Variants in PXDNL observed in about 807,000 individuals in gnomAD.
The protein encoded by PXDNL is peroxidasin like.
Under a neutral mutation model 150.8 loss-of-function variants are expected in PXDNL, and 145 were observed. The observed-to-expected ratio is 0.96, with a 90% CI of 0.84 to 1.10. PXDNL has a LOEUF of 1.10. Among genes scored for constraint, PXDNL ranks in the 50% least tolerant of loss-of-function variants. The pLI is 0.00. For missense variants in PXDNL, 2,087 were observed against 1,873.9 expected (o/e 1.11, Z -2.10); for synonymous variants, 757 against 725.7 (o/e 1.04, Z -0.69).
intron 2 of PXDNL, 124 bp from the exon 3 acceptor site, chr8:51,592,822 A>T: frequency 3.5e-6 from 2 of 576,472 alleles, no homozygotes; most frequent in South Asian, 7.6e-5. Context: ...GGTTCACTAA[A>T]TTTGGAAATT....
intron 1 of PXDNL, among the ~76,000 whole-genome samples, chr8:51,776,034 G>T (rs2037349438): frequency 6.6e-6 from 1 of 152,202 alleles, no homozygotes; most frequent in Non-Finnish European, 1.5e-5. Flanking sequence ...TTACAGTTGT[G>T]TAAGGAACGA....
At chr8:51,760,250 C>A (rs747537863) in intron 1 of PXDNL, among the ~76,000 whole-genome samples, 1 of 152,028 alleles carries the variant, frequency 6.6e-6, no homozygotes, top group Non-Finnish European at 1.5e-5. Context: ...GATTGCCTAA[C>A]TCCACATTCT....
intron 6 of PXDNL, among the ~76,000 whole-genome samples, chr8:51,480,203 G>A (rs16916394): frequency 0.046 from 6,989 of 152,176 alleles, 304 homozygotes; most frequent in East Asian, 0.25. Context: ...CACAACAAAA[G>A]TGGCCTCTGT....
intron 1 of PXDNL, among the ~76,000 whole-genome samples, chr8:51,762,713 A>C (rs4573263): frequency 0.51 from 77,921 of 152,076 alleles, 24,168 homozygotes; most frequent in Non-Finnish European, 0.68. Flanking sequence ...AAGATATATG[A>C]AACAAAGAGG....
At chr8:51,608,054 A>AAAGAAAGAAAGAAAGAAAGAAAGAAAGC (rs1554557536) in intron 2 of PXDNL, among the ~76,000 whole-genome samples, 7 of 111,598 alleles carry the variant, frequency 6.3e-5, no homozygotes, top group Non-Finnish European at 1.3e-4. Context: ...AGAAAGAAAG[A>AAAGAAAGAAAGAAAGAAAGAAAGAAAGC]AAGCAAGCAA....
At chr8:51,644,410 GTGTGTA>G (rs796789737) in intron 2 of PXDNL, among the ~76,000 whole-genome samples, 2 of 45,452 alleles carry the variant, frequency 4.4e-5, no homozygotes, top group Non-Finnish European at 9.5e-5. Flanking sequence ...ATACACATGT[GTGTGTA>G]TATATATACA....
At chr8:51,515,963 T>C (rs916295163) in intron 4 of PXDNL, among the ~76,000 whole-genome samples, 38 of 152,186 alleles carry the variant, frequency 2.5e-4, no homozygotes, top group Non-Finnish European at 5.0e-4. Flanking sequence ...TAAAACCCTC[T>C]AAGTAACTTT....
rs71237237 is a variant in PXDNL at position 51,760,845 on chromosome 8, C to CTTTTTTTTTTTTTTTTTTTTTTT, written c.164+48313_164+48335dup. ...GTTAGCCTGAAGGAAATCACTTAAA[C>CTTTTTTTTTTTTTTTTTTTTTTT]TTTTTTTTTTTTTTTTTTTTTTTTT... On this transcript the variant is annotated intron_variant, in intron 1 of 22. Transcript: ENST00000356297. Among the ~76,000 whole-genome samples the CTTTTTTTTTTTTTTTTTTTTTTT allele has an allele frequency of 3.7e-4, 17 of 45,490 alleles. 7 individuals carry two copies. The highest frequency in any genetic ancestry group is 5.3e-4 in the Non-Finnish European group (14 of 26,652). 29.8% of individuals were successfully genotyped at this position (45,490 alleles called of 152,430 possible). A position where few individuals can be genotyped will look rare whatever the true frequency, so the allele number is the denominator to read the frequency against.
At chr8:51,768,834 G>A (rs997394252) in intron 1 of PXDNL, among the ~76,000 whole-genome samples, 10 of 152,340 alleles carry the variant, frequency 6.6e-5, no homozygotes, top group Non-Finnish European at 8.8e-5. Context: ...GGTGGCTTAC[G>A]CCTGTAATCC....
At chr8:51,727,144 C>T (rs1330939070) in intron 1 of PXDNL, among the ~76,000 whole-genome samples, 1 of 152,114 alleles carries the variant, frequency 6.6e-6, no homozygotes, top group Non-Finnish European at 1.5e-5. Context: ...TGAGATGCTA[C>T]AAAACAAGTA....
intron 3 of PXDNL, among the ~76,000 whole-genome samples, chr8:51,572,790 CT>C (rs1174180973): frequency 6.6e-6 from 1 of 151,794 alleles, no homozygotes; most frequent in African/African-American, 2.4e-5. Context: ...AACTAGTTCT[CT>C]TTTTTTAAAA....
At chr8:51,612,621 C>G (rs760250081) in intron 2 of PXDNL, among the ~76,000 whole-genome samples, 37 of 152,086 alleles carry the variant, frequency 2.4e-4, no homozygotes, top group Non-Finnish European at 4.6e-4. Context: ...GGGAGGAGCT[C>G]CCTTTAATGG....
chr8:51,711,251 C>T (rs1816491004), intron 1 of PXDNL, among the ~76,000 whole-genome samples: 1 of 152,172 alleles, frequency 6.6e-6, no homozygotes. Flanking sequence ...GATTCTCTTG[C>T]CTCAACCTCT....
At chr8:51,413,080 T>C in intron 15 of PXDNL, 70 bp downstream of exon 15, 3 of 919,610 alleles carry the variant, frequency 3.3e-6, no homozygotes, top group South Asian at 2.7e-5. Flanking sequence ...ATGTGACTTA[T>C]GGAGATGATA....
intron 2 of PXDNL, among the ~76,000 whole-genome samples, chr8:51,652,389 T>C (rs1585650166): frequency 6.6e-6 from 1 of 151,270 alleles, no homozygotes; most frequent in East Asian, 1.9e-4. Flanking sequence ...TCTCTCTCTC[T>C]CTCTCTCTCT....
intron 8 of PXDNL, among the ~76,000 whole-genome samples, chr8:51,458,720 A>G (rs1809997420): frequency 6.6e-6 from 1 of 152,230 alleles, no homozygotes; most frequent in Non-Finnish European, 1.5e-5. Flanking sequence ...TACCCACACT[A>G]AAGAATAACA....
chr8:51,577,907 G>GAGAAAGAAA (rs1199834254), intron 3 of PXDNL, among the ~76,000 whole-genome samples: 1 of 122,236 alleles, frequency 8.2e-6, no homozygotes, highest in Non-Finnish European at 1.7e-5. Context: ...AAGAAAGAAA[G>GAGAAAGAAA]AGAAAGAAAA....
chr8:51,435,169 A>C (rs914678059), intron 12 of PXDNL, among the ~76,000 whole-genome samples: 3 of 152,088 alleles, frequency 2.0e-5, no homozygotes, highest in Non-Finnish European at 4.4e-5. Context: ...AACACAAAAA[A>C]AATTAGCCAG....
At chr8:51,792,866 C>T (rs773761695) in intron 1 of PXDNL, among the ~76,000 whole-genome samples, 5 of 152,214 alleles carry the variant, frequency 3.3e-5, no homozygotes, top group Admixed American at 6.5e-5. Context: ...GAGAGGCAGC[C>T]GTGGTCTCCA....
Sources: allele counts gnomAD v4.1 joint callset (sites outside exome capture counted in the v4.1 genomes callset), GRCh38; gene constraint gnomAD v4.1.1; transcripts MANE v1.5; gene names NCBI Gene and HGNC (gene_info 2026-07-23, HGNC 2026-07-21).